COBL: variants seen among roughly 807,000 people sequenced by gnomAD.
The protein encoded by COBL is protein cordon-bleu.
A neutral mutation model predicts 98.8 loss-of-function variants in COBL; 51 were observed. The observed-to-expected ratio is 0.52, with a 90% CI of 0.41 to 0.65. COBL has a LOEUF of 0.65. Ranked by LOEUF, COBL falls within the 30% of genes least tolerant of loss-of-function variation. The pLI is 0.00. For missense variants in COBL, 1,617 were observed against 1,617.5 expected, an observed-to-expected ratio of 1.00 and a Z score of 0.01; for synonymous variants, 634 against 651.7, an observed-to-expected ratio of 0.97 and a Z score of 0.41.
chr7:51,025,018 G>T (rs1787382217), intron 12 of COBL, 91 bp downstream of exon 12: 3 of 1,566,166 alleles, frequency 1.9e-6, no homozygotes, highest in Non-Finnish European at 2.6e-6. Flanking sequence ...CCGCCTCGCA[G>T]CTCCTGCCCA....
At chr7:51,226,961 G>A (rs1794262557) in intron 1 of COBL, among the ~76,000 whole-genome samples, 1 of 152,114 alleles carries the variant, frequency 6.6e-6, no homozygotes, top group Admixed American at 6.5e-5. Flanking sequence ...GAAAAGACTG[G>A]AATTCTAGCC....
chr7:51,303,799 C>A (rs933054674), intron 1 of COBL, among the ~76,000 whole-genome samples: 1 of 152,134 alleles, frequency 6.6e-6, no homozygotes, highest in Admixed American at 6.5e-5. Context: ...AGTGGGTCTA[C>A]AGACTGGCTG....
At chr7:51,031,038 C>T in intron 8 of COBL, 129 bp from the exon 9 acceptor site, 1 of 680,290 alleles carries the variant, frequency 1.5e-6, no homozygotes, top group South Asian at 1.7e-5. Context: ...CACTGTACTG[C>T]TGTTGTCCTC....
intron 1 of COBL, among the ~76,000 whole-genome samples, chr7:51,236,490 G>A (rs1406641634): frequency 1.3e-5 from 2 of 152,118 alleles, no homozygotes; most frequent in African/African-American, 4.8e-5. Context: ...AGAAAACTTA[G>A]GGATCCATCC....
chr7:51,024,977 G>T, intron 12 of COBL, 132 bp downstream of exon 12: 1 of 1,205,668 alleles, frequency 8.3e-7, no homozygotes, highest in Non-Finnish European at 1.2e-6. Flanking sequence ...ACACAGTGAC[G>T]CCGGCTCTCT....
At chr7:51,075,517 T>A (rs543672881) in intron 7 of COBL, among the ~76,000 whole-genome samples, 2 of 152,224 alleles carry the variant, frequency 1.3e-5, no homozygotes, top group Non-Finnish European at 1.5e-5. Flanking sequence ...GAGTTTTTAG[T>A]ATTTGTTACC....
chr7:51,108,919 C>G (rs1037705194), intron 6 of COBL, among the ~76,000 whole-genome samples: 2 of 79,636 alleles, frequency 2.5e-5, no homozygotes, highest in South Asian at 4.2e-4. Flanking sequence ...GACACATAGA[C>G]ACACACACAC....
intron 6 of COBL, among the ~76,000 whole-genome samples, chr7:51,123,723 G>A (rs1439412405): frequency 2.6e-5 from 4 of 152,154 alleles, no homozygotes; most frequent in African/African-American, 9.7e-5. Context: ...TGTCAATGAC[G>A]AGTAAATGAG....
chr7:51,138,768 C>G (rs909505302), intron 5 of COBL, among the ~76,000 whole-genome samples: 1 of 152,216 alleles, frequency 6.6e-6, no homozygotes, highest in Non-Finnish European at 1.5e-5. Context: ...TGTACCCATG[C>G]CACCTGCTAT....
intron 6 of COBL, among the ~76,000 whole-genome samples, chr7:51,098,224 C>CTTTTTTTTTTTTTTTTTTTTTCTTTTT (rs551768231): frequency 9.9e-6 from 1 of 100,846 alleles, no homozygotes; most frequent in African/African-American, 4.5e-5. Flanking sequence ...ATAGCAGTTT[C>CTTTTTTTTTTTTTTTTTTTTTCTTTTT]TTTTTTTTTT....
intron 1 of COBL, among the ~76,000 whole-genome samples, chr7:51,240,477 G>C (rs977011755): frequency 6.6e-6 from 1 of 152,232 alleles, no homozygotes; most frequent in Non-Finnish European, 1.5e-5. Flanking sequence ...CGGCTCAAGT[G>C]AACAAAAGCA....
chr7:51,241,011 A>G (rs1795739543), intron 1 of COBL, among the ~76,000 whole-genome samples: 1 of 152,200 alleles, frequency 6.6e-6, no homozygotes, highest in Non-Finnish European at 1.5e-5. Context: ...ACCCACTTCC[A>G]GGCAGTGAGT....
At chr7:51,223,773 G>A (rs1163769912) in intron 1 of COBL, among the ~76,000 whole-genome samples, 1 of 152,194 alleles carries the variant, frequency 6.6e-6, no homozygotes, top group Non-Finnish European at 1.5e-5. Context: ...CTGCACTGTG[G>A]CTGGAAGCAC....
chr7:51,217,329 C>CTT (rs1793150240), intron 2 of COBL, among the ~76,000 whole-genome samples: 1 of 141,366 alleles, frequency 7.1e-6, no homozygotes, highest in Non-Finnish European at 1.5e-5. Flanking sequence ...ATGCCATTTT[C>CTT]TTTTCTTTTT....
intron 5 of COBL, among the ~76,000 whole-genome samples, chr7:51,170,534 T>TATATATATATAA (rs1315143701): frequency 5.9e-5 from 8 of 134,510 alleles, no homozygotes; most frequent in African/African-American, 2.3e-4. Context: ...TATATATAAA[T>TATATATATATAA]ATATATCACA....
chr7:51,309,647 T>C (rs1364371314), intron 1 of COBL, among the ~76,000 whole-genome samples: 1 of 152,172 alleles, frequency 6.6e-6, no homozygotes, highest in Admixed American at 6.5e-5. Flanking sequence ...TCTAGAATAT[T>C]CTGGGAACAC....
rs776382859 is a variant in COBL at position 51,029,169 on chromosome 7, G to C, written c.1927C>G (p.Leu643Val). Residue 643 changes from leucine (L) to valine (V), a missense_variant, in exon 10 of 13, where the codon CTA (leucine) becomes GTA (valine). Leu to Val is a conservative substitution (Grantham distance 32, BLOSUM62 1). Around this residue, in one of 3 missense-constraint regions of COBL, gnomAD observed 1,304 missense variants for 1,282.0 expected, o/e 1.02. Coordinates refer to ENST00000265136, the MANE Select transcript of COBL (RefSeq NM_015198.5). ...SFASNLHTDN[L>V]NAKVKDKVYG... ...ACTTTGTCTTTCACTTTTGCATTTA[G>C]GTTGTCTGTGTGAAGATTCGAAGCA... The C allele has an allele frequency of 1.9e-6, 3 of 1,614,040 alleles. No homozygotes were observed. The highest frequency in any genetic ancestry group is 2.7e-5 in the African/African-American group (2 of 74,910).
At chr7:51,173,163 G>A (rs1788047105) in intron 5 of COBL, among the ~76,000 whole-genome samples, 1 of 151,870 alleles carries the variant, frequency 6.6e-6, no homozygotes, top group South Asian at 2.1e-4. Flanking sequence ...ATTAGGTTTT[G>A]AGGACTTCAA....
In COBL at chr7:51,287,102, T is replaced by C. The variant is rs187966370; in HGVS notation, c.41+29491A>G. Among the ~76,000 whole-genome samples the C allele has an allele frequency of 1.7e-3, 256 of 152,244 alleles. 2 individuals carry two copies. The highest frequency in any genetic ancestry group is 5.9e-3 in the African/African-American group (247 of 41,548). The stretch of plus-strand genomic sequence containing the variant: ...AGATGGGAACAACAGACACTGGCGA[T>C]GTTGGAGGTGGGGAGGAAAGGAGAG... On this transcript the variant is annotated intron_variant, in intron 1 of 12. Transcript: ENST00000265136.
Sources: gnomAD v4.1 joint callset for allele counts (sites outside exome capture counted in the v4.1 genomes callset) on GRCh38, gnomAD v4.1.1 for gene constraint, gnomAD v4.1.1 regional missense constraint, MANE v1.5 for transcripts, NCBI Gene and HGNC (gene_info 2026-07-23, HGNC 2026-07-21) for gene names.